The following POFUT3 variants were observed in gnomAD, a reference collection of about 807,000 sequenced individuals.
POFUT3 encodes the protein GDP-fucose protein O-fucosyltransferase 3.
the POFUT3 span, among the ~76,000 whole-genome samples, chr8:33,395,468 C>T: frequency 6.6e-6 from 1 of 151,882 alleles, no homozygotes; most frequent in African/African-American, 2.4e-5. Context: ...AGGAGTTTGG[C>T]CATCCCCGGC....
At chr8:33,314,745 G>A in the POFUT3 span, among the ~76,000 whole-genome samples, 29 of 152,158 alleles carry the variant, frequency 1.9e-4, 1 homozygote, top group African/African-American at 6.0e-4. Flanking sequence ...AGGTTCTGAA[G>A]TCAGACAGAT....
the POFUT3 span, among the ~76,000 whole-genome samples, chr8:33,471,914 T>G: frequency 1.6e-4 from 24 of 152,156 alleles, no homozygotes; most frequent in African/African-American, 5.8e-4. Context: ...TTCTCCTTAC[T>G]CAGAAGAAAG....
chr8:33,383,628 G>A, the POFUT3 span, among the ~76,000 whole-genome samples: 68 of 152,124 alleles, frequency 4.5e-4, 1 homozygote, highest in South Asian at 0.013. Context: ...TTGAAACCCC[G>A]TCTCTACTAA....
the POFUT3 span, among the ~76,000 whole-genome samples, chr8:33,424,215 A>G: frequency 6.6e-6 from 1 of 152,140 alleles, no homozygotes; most frequent in Non-Finnish European, 1.5e-5. Flanking sequence ...TTTAGCCACA[A>G]TATGATTTGG....
the POFUT3 span, among the ~76,000 whole-genome samples, chr8:33,350,296 G>A: frequency 6.6e-6 from 1 of 152,128 alleles, no homozygotes; most frequent in Admixed American, 6.6e-5. Flanking sequence ...TGGATCATCT[G>A]TAAGAGAGAT....
the POFUT3 span, among the ~76,000 whole-genome samples, chr8:33,429,651 C>T: frequency 2.6e-5 from 4 of 151,480 alleles, no homozygotes; most frequent in African/African-American, 9.7e-5. Context: ...ACAGGAGGTA[C>T]GAGTGCATGC....
the POFUT3 span, among the ~76,000 whole-genome samples, chr8:33,329,520 CT>C: frequency 6.6e-6 from 1 of 152,184 alleles, no homozygotes; most frequent in South Asian, 2.1e-4. Flanking sequence ...GGACCCATAA[CT>C]ATTACCTCTA....
chr8:33,375,605 T>C, the POFUT3 span, among the ~76,000 whole-genome samples: 1 of 152,084 alleles, frequency 6.6e-6, no homozygotes, highest in Non-Finnish European at 1.5e-5. Flanking sequence ...CAAAAAACTG[T>C]ATATGTAAGG....
the POFUT3 span, among the ~76,000 whole-genome samples, chr8:33,440,189 C>A: frequency 6.6e-6 from 1 of 151,938 alleles, no homozygotes; most frequent in Non-Finnish European, 1.5e-5. Context: ...ATATTGAGAC[C>A]ATGTCTCTGT....
At chr8:33,428,279 C>T in the POFUT3 span, among the ~76,000 whole-genome samples, 1 of 152,206 alleles carries the variant, frequency 6.6e-6, no homozygotes, top group African/African-American at 2.4e-5. Flanking sequence ...GGAAGCAGCA[C>T]GTTCTCAACA....
At chr8:33,436,732 G>T in the POFUT3 span, 1 of 660,398 alleles carries the variant, frequency 1.5e-6, no homozygotes, top group East Asian at 2.9e-5. Context: ...AATCAGCAGG[G>T]CCTCCTCCTT....
chr8:33,327,315 T>C, the POFUT3 span, among the ~76,000 whole-genome samples: 7 of 152,326 alleles, frequency 4.6e-5, no homozygotes, highest in Middle Eastern at 3.4e-3. Context: ...ATGTCTTATA[T>C]ATGTAGACTT....
chr8:33,349,136 TTACCCGTTGTATTGGCTACCAGTG>T, the POFUT3 span, among the ~76,000 whole-genome samples: 1 of 152,212 alleles, frequency 6.6e-6, no homozygotes, highest in Non-Finnish European at 1.5e-5. Context: ...GTCAAGGGTC[TTACCCGTTGTATTGGCTACCAGTG>T]CCAGATAGCT....
At chr8:33,471,482 T>A in the POFUT3 span, among the ~76,000 whole-genome samples, 2 of 152,046 alleles carry the variant, frequency 1.3e-5, no homozygotes, top group Non-Finnish European at 2.9e-5. Flanking sequence ...GAACTCCTGA[T>A]CTCGTGATCC....
chr8:33,399,104 T>A, the POFUT3 span, among the ~76,000 whole-genome samples: 1 of 152,198 alleles, frequency 6.6e-6, no homozygotes, highest in South Asian at 2.1e-4. Flanking sequence ...ATATTGCAAA[T>A]CTTTGAAATT....
the POFUT3 span, among the ~76,000 whole-genome samples, chr8:33,367,233 C>A: frequency 9.2e-5 from 14 of 152,208 alleles, no homozygotes; most frequent in Admixed American, 9.2e-4. Flanking sequence ...GGTGGGCTTA[C>A]CGGAATGATG....
chr8:33,333,429 A>G, the POFUT3 span, among the ~76,000 whole-genome samples: 1 of 152,176 alleles, frequency 6.6e-6, no homozygotes, highest in Non-Finnish European at 1.5e-5. Context: ...ACCAGGGAAA[A>G]GAGATGTCTA....
chr8:33,429,425 A>ATTGTTT, the POFUT3 span, among the ~76,000 whole-genome samples: 3 of 152,248 alleles, frequency 2.0e-5, no homozygotes, highest in Non-Finnish European at 4.4e-5. Context: ...TGTTTCTGTC[A>ATTGTTT]AACTGAGTAT....
chr8:33,335,151 ATG>A, the POFUT3 span, among the ~76,000 whole-genome samples: 11,457 of 145,310 alleles, frequency 0.079, 605 homozygotes, highest in African/African-American at 0.16. Context: ...AAAGAAATAT[ATG>A]TGTGTGTGTG....
Sources: gnomAD v4.1 joint callset for allele counts (sites outside exome capture counted in the v4.1 genomes callset) on GRCh38, gnomAD v4.1.1 for gene constraint, MANE v1.5 for transcripts, NCBI Gene and HGNC (gene_info 2026-07-23, HGNC 2026-07-21) for gene names.